The following CIT variants were observed in gnomAD, a reference collection of about 807,000 sequenced individuals.
CIT encodes citron Rho-interacting kinase.
In CIT, 79 loss-of-function variants were observed where a neutral mutation model predicts 272.7. The observed-to-expected ratio is 0.29, with a 90% CI of 0.24 to 0.35. The LOEUF is 0.35. Ranked by LOEUF, CIT falls within the 10% of genes least tolerant of loss-of-function variation. The pLI is 1.00. For missense variants in CIT, 1,909 were observed against 2,618.3 expected, an observed-to-expected ratio of 0.73 and a Z score of 5.91; for synonymous variants, 948 against 995.6, an observed-to-expected ratio of 0.95 and a Z score of 0.90.
At chr12:119,862,832 A>AAAAAAAAAAAAGAAAAAAAAG (rs1950390006) in intron 3 of CIT, among the ~76,000 whole-genome samples, 1 of 135,564 alleles carries the variant, frequency 7.4e-6, no homozygotes, top group Admixed American at 7.2e-5. Context: ...AAAAAAAAAA[A>AAAAAAAAAAAAGAAAAAAAAG]AAAAAAAAGA....
Position 119,825,326 on chromosome 12 carries a change from G to A in CIT, c.796C>T (p.Pro266Ser), listed in dbSNP as rs778822523. Residue 266 changes from proline (P) to serine (S), a missense_variant, in exon 8 of 48, where the codon CCT becomes TCT. By Grantham distance (74) the Pro-to-Ser change is moderately conservative (BLOSUM62 -1). Around this residue, in one of 8 missense-constraint regions of CIT, gnomAD observed 529 missense variants for 549.6 expected, o/e 0.96. Coordinates refer to ENST00000392521, the MANE Select transcript of CIT (RefSeq NM_001206999.2). ...CCGTTCATCACAGTCAGCACTTCAGGAGCCATGTAATCTGGGGTCCCAATC... is the reference window on the plus strand; with the variant it reads ...CCGTTCATCACAGTCAGCACTTCAGAAGCCATGTAATCTGGGGTCCCAATC... ...LPIGTPDYMA[P>S]EVLTVMNGDG... The A allele has an allele frequency of 4.3e-6, 7 of 1,614,016 alleles. No homozygotes were observed. The highest frequency in any genetic ancestry group is 1.6e-4 in the Middle Eastern group (1 of 6,062).
intron 7 of CIT, among the ~76,000 whole-genome samples, chr12:119,828,448 C>T (rs58325508): frequency 0.016 from 2,474 of 152,010 alleles, 73 homozygotes; most frequent in African/African-American, 0.057. Flanking sequence ...CTTTCACTCT[C>T]CTCTGGTGGC....
At chr12:119,825,569 A>G (rs1410105833) in intron 7 of CIT, among the ~76,000 whole-genome samples, 1 of 152,136 alleles carries the variant, frequency 6.6e-6, no homozygotes, top group African/African-American at 2.4e-5. Flanking sequence ...CACAGCATAT[A>G]ATGCAATCCA....
chr12:119,693,429 CT>C (rs1956065855), intron 46 of CIT, among the ~76,000 whole-genome samples: 1 of 152,228 alleles, frequency 6.6e-6, no homozygotes, highest in Non-Finnish European at 1.5e-5. Flanking sequence ...AAAGCAAACA[CT>C]TTTCTGCCCC....
intron 43 of CIT, 112 bp downstream of exon 43, chr12:119,701,512 C>A (rs376259259): frequency 8.1e-7 from 1 of 1,229,592 alleles, no homozygotes; most frequent in Non-Finnish European, 1.1e-6. Context: ...ATTCTCTGTA[C>A]CCCTAGTCAA....
At chr12:119,862,108 C>T (rs1277753389) in intron 3 of CIT, among the ~76,000 whole-genome samples, 1 of 152,136 alleles carries the variant, frequency 6.6e-6, no homozygotes, top group Non-Finnish European at 1.5e-5. Flanking sequence ...TCAAGCAATT[C>T]TCATGACTTG....
In CIT at chr12:119,805,690, T is replaced by C. The variant is rs547523561; in HGVS notation, c.1112-2301A>G. On this transcript the variant is annotated intron_variant, in intron 9 of 47. Coordinates refer to ENST00000392521, the MANE Select transcript of CIT (RefSeq NM_001206999.2). The stretch of plus-strand genomic sequence containing the variant: ...ATTTCTGAGTGAGAAGTATAATTAA[T>C]GGAGAGTAAAAGCCACCCTCAGTGA... Among the ~76,000 whole-genome samples the C allele has an allele frequency of 3.9e-5, 6 of 152,376 alleles. No individual in the cohort carries two copies. The South Asian group carries it at 8.3e-4, about 21-fold the overall frequency.
At chr12:119,820,359 T>C (rs1474646094) in intron 9 of CIT, among the ~76,000 whole-genome samples, 2 of 152,030 alleles carry the variant, frequency 1.3e-5, no homozygotes, top group African/African-American at 4.8e-5. Context: ...GAGATCAGCC[T>C]GACCAACATG....
At chr12:119,744,403 TA>T (rs764573407) in intron 23 of CIT, among the ~76,000 whole-genome samples, 11,581 of 137,642 alleles carry the variant, frequency 0.084, 768 homozygotes, top group African/African-American at 0.2. Flanking sequence ...TATTTAATTA[TA>T]AAAAAAAAAA....
chr12:119,872,618 G>A (rs1451533530), intron 2 of CIT, among the ~76,000 whole-genome samples: 1 of 152,176 alleles, frequency 6.6e-6, no homozygotes, highest in Admixed American at 6.5e-5. Context: ...CTAAATACAA[G>A]ATATACTTAA....
rs1962720291 is a variant in CIT, at chr12:119,768,487, T to C, written c.2209-1305A>G. ...GGTTTTGAAGAATGAGGAAATTATA[T>C]AGGATATGTTCATAAAATGGAGGTG... On this transcript the variant is annotated intron_variant, in intron 18 of 47. Transcript: ENST00000392521. The surrounding 1 kb of genome is among the most constrained non-coding windows in gnomAD (Gnocchi z 4.3). 6.6e-6 allele frequency among the ~76,000 whole-genome samples: 1 copy of C among 152,176 alleles called. No homozygotes were observed. The highest frequency in any genetic ancestry group is 2.4e-5 in the African/African-American group (1 of 41,458).
In CIT at chr12:119,772,892, C is replaced by G. The variant is rs1963327017; in HGVS notation, c.1960G>C (p.Glu654Gln). Residue 654 changes from glutamate to glutamine, a missense_variant, in exon 17 of 48, where the codon GAG becomes CAG. Physicochemically the swap from Glu to Gln is conservative, Grantham distance 29 (BLOSUM62 2). Around this residue, in one of 8 missense-constraint regions of CIT, gnomAD observed 530 missense variants for 822.4 expected, o/e 0.64. Coordinates refer to ENST00000392521, the MANE Select transcript of CIT (RefSeq NM_001206999.2). ...ATATTCTGCAGCAGCTCGGTGGCCT[C>G]CGTGCTGGCTTTTACAGCCTAGGAA... The part of the protein sequence containing the change: ...KLEKAVKAST[E>Q]ATELLQNIRQ... 6.2e-7 allele frequency: 1 copy of G among 1,613,712 alleles called. No homozygotes were observed. The highest frequency in any genetic ancestry group is 8.5e-7 in the Non-Finnish European group (1 of 1,179,904).
intron 32 of CIT, among the ~76,000 whole-genome samples, chr12:119,714,543 C>T (rs1242893135): frequency 2.0e-5 from 3 of 152,118 alleles, no homozygotes; most frequent in Non-Finnish European, 4.4e-5. Flanking sequence ...ATAGACACCT[C>T]CCCGAAGAGG....
At chr12:119,820,854 T>C (rs930634924) in intron 9 of CIT, among the ~76,000 whole-genome samples, 1 of 151,968 alleles carries the variant, frequency 6.6e-6, no homozygotes, top group African/African-American at 2.4e-5. Context: ...CCTGTAGTCC[T>C]AGCTACTTAG....
Position 119,709,970 on chromosome 12 carries a change from G to C in CIT, c.5071+281C>G, listed in dbSNP as rs150363344. ...TGGTTTCGTTGCAATCAGGACAAAG[G>C]GTTTGGCTTTAGATAGTCTTCGAGG... On this transcript the variant is annotated intron_variant, in intron 39 of 47. Coordinates refer to ENST00000392521, the MANE Select transcript of CIT (RefSeq NM_001206999.2). Among the ~76,000 whole-genome samples, 342 of 152,250 alleles carry C rather than the reference G, an allele frequency of 2.2e-3. 4 individuals are homozygous for C. Among genetic ancestry groups the C allele is most frequent in the Non-Finnish European group, 3.7e-3 (250 of 68,026 alleles).
intron 5 of CIT, among the ~76,000 whole-genome samples, chr12:119,839,583 TG>T (rs1166312350): frequency 1.3e-5 from 2 of 152,188 alleles, no homozygotes; most frequent in African/African-American, 4.8e-5. Context: ...ATTTTCTTCT[TG>T]GTCAAAGTGA....
chr12:119,757,587 C>T, intron 21 of CIT, 42 bp from the exon 22 acceptor site: 10 of 1,611,808 alleles, frequency 6.2e-6, no homozygotes, highest in Non-Finnish European at 8.5e-6. Context: ...ATCACAGTCT[C>T]ATTAGGGTTG....
intron 4 of CIT, among the ~76,000 whole-genome samples, chr12:119,856,672 T>A (rs1391732389): frequency 6.6e-6 from 1 of 152,108 alleles, no homozygotes; most frequent in African/African-American, 2.4e-5. Context: ...GTGAGAACTG[T>A]CCCTAACTGT....
intron 8 of CIT, among the ~76,000 whole-genome samples, chr12:119,824,795 T>C (rs1787700717): frequency 1.3e-5 from 2 of 152,128 alleles, no homozygotes; most frequent in South Asian, 4.1e-4. Context: ...GGTTTTTTGT[T>C]TTGTTTTGTT....
Sources: gnomAD v4.1 joint callset for allele counts (sites outside exome capture counted in the v4.1 genomes callset) on GRCh38, gnomAD v4.1.1 for gene constraint, gnomAD v4.1.1 regional missense constraint, Gnocchi (gnomAD v3.1) non-coding constraint, MANE v1.5 for transcripts, NCBI Gene and HGNC (gene_info 2026-07-23, HGNC 2026-07-21) for gene names.